Variants in ZNF124 observed in about 807,000 individuals in gnomAD.
ZNF124 encodes the protein zinc finger protein HZF-16.
Under a neutral mutation model 26.6 loss-of-function variants are expected in ZNF124, and 25 were observed. That is an observed-to-expected ratio of 0.94 (90% CI 0.68 to 1.31). The LOEUF (loss-of-function observed/expected upper bound fraction) is 1.31, where lower values mean the gene tolerates loss of function less well. Among genes scored for constraint, ZNF124 ranks in the 40% most tolerant of loss-of-function variants. ZNF124 has a pLI of 0.00. For missense variants in ZNF124, 444 were observed against 422.2 expected (o/e 1.05, Z -0.45); for synonymous variants, 129 against 133.3 (o/e 0.97, Z 0.22).
intron 1 of ZNF124, among the ~76,000 whole-genome samples, chr1:247,165,449 TAAAA>T (rs1195115032): frequency 6.6e-6 from 1 of 151,918 alleles, no homozygotes; most frequent in Non-Finnish European, 1.5e-5. Context: ...AATTTAAAGA[TAAAA>T]AAACCCTGGA....
intron 3 of ZNF124, among the ~76,000 whole-genome samples, chr1:247,136,610 C>T (rs1293599771): frequency 1.3e-5 from 2 of 152,148 alleles, no homozygotes; most frequent in Non-Finnish European, 2.9e-5. Flanking sequence ...CATCAAACTA[C>T]CATTGACATT....
At chr1:247,132,560 GGGA>G (rs1672394704) in intron 3 of ZNF124, among the ~76,000 whole-genome samples, 1 of 152,178 alleles carries the variant, frequency 6.6e-6, no homozygotes. Flanking sequence ...GTTAGAATAA[GGGA>G]GGAGACCACC....
chr1:247,163,482 A>G (rs929079255), intron 1 of ZNF124, among the ~76,000 whole-genome samples: 32 of 151,882 alleles, frequency 2.1e-4, no homozygotes, highest in Non-Finnish European at 1.9e-4. Flanking sequence ...AAAAAAAAAA[A>G]AAATCCCTCA....
In ZNF124 at chr1:247,156,894, A is replaced by G. The variant is rs1673170289; in HGVS notation, c.728T>C (p.Phe243Ser). The change falls in exon 4 of 4, where the codon TTC (phenylalanine) becomes TCC (serine). Residue 243 changes from phenylalanine to serine, a missense_variant. Coordinates refer to ENST00000543802, the MANE Select transcript of ZNF124 (RefSeq NM_001297568.2). ...PYVCMECGKA[F>S]SCLSSLQGHI... ...TCCTTGCAAGGAACTGAGACAACTG[A>G]AAGCTTTGCCACATTCCATGCACAC... is the stretch of plus-strand genomic sequence containing the variant. 3 of 1,614,048 alleles carry G rather than the reference A, an allele frequency of 1.9e-6. No individual in the cohort carries two copies. The highest frequency in any genetic ancestry group is 2.5e-6 in the Non-Finnish European group (3 of 1,180,042).
chr1:247,124,328 T>C (rs1572052096), intron 3 of ZNF124, among the ~76,000 whole-genome samples: 1 of 152,110 alleles, frequency 6.6e-6, no homozygotes, highest in East Asian at 1.9e-4. Flanking sequence ...CTAAGTCTCC[T>C]GCGTAGCTGG....
At chr1:247,125,027 T>A (rs1305080396) in intron 3 of ZNF124, among the ~76,000 whole-genome samples, 6 of 151,798 alleles carry the variant, frequency 4.0e-5, no homozygotes, top group Admixed American at 6.6e-5. Context: ...GGCTGGCAAC[T>A]CCTGGGCTCA....
At chr1:247,163,216 G>GCA (rs1364079411) in intron 1 of ZNF124, among the ~76,000 whole-genome samples, 3 of 151,718 alleles carry the variant, frequency 2.0e-5, no homozygotes, top group African/African-American at 7.3e-5. Context: ...TCTCAAATTA[G>GCA]CAACCTAACA....
At chr1:247,124,434 C>T (rs1424133929) in intron 3 of ZNF124, among the ~76,000 whole-genome samples, 1 of 151,884 alleles carries the variant, frequency 6.6e-6, no homozygotes, top group African/African-American at 2.4e-5. Flanking sequence ...AACTCCTGAC[C>T]TTGTGATCTA....
chr1:247,130,900 A>T (rs908587972), intron 3 of ZNF124, among the ~76,000 whole-genome samples: 44 of 152,044 alleles, frequency 2.9e-4, no homozygotes, highest in Admixed American at 9.2e-4. Context: ...ACATGGTGAA[A>T]CCTATCTCTA....
intron 3 of ZNF124, among the ~76,000 whole-genome samples, chr1:247,125,430 CTTTTTT>C (rs71566695): frequency 8.4e-3 from 363 of 43,260 alleles, no homozygotes; most frequent in Middle Eastern, 0.11. Context: ...CTGTTTTTGT[CTTTTTT>C]TTTTTTTTTT....
downstream of ZNF124, among the ~76,000 whole-genome samples, chr1:247,152,444 C>G (rs1336542124): frequency 6.6e-6 from 1 of 151,746 alleles, no homozygotes; most frequent in Non-Finnish European, 1.5e-5. Flanking sequence ...GCAATAAACC[C>G]AGTCCCAAAT....
chr1:247,140,186 T>C (rs1672589626), intron 3 of ZNF124, among the ~76,000 whole-genome samples: 1 of 152,204 alleles, frequency 6.6e-6, no homozygotes, highest in Non-Finnish European at 1.5e-5. Context: ...TTTGTTATTT[T>C]TTATTCTTTT....
At chr1:247,157,906 A>G (rs912373796) in intron 3 of ZNF124, among the ~76,000 whole-genome samples, 2 of 151,692 alleles carry the variant, frequency 1.3e-5, no homozygotes, top group Non-Finnish European at 2.9e-5. Context: ...TGTTGTGGTA[A>G]TGAGTGACTT....
chr1:247,157,251 C>T lies in ZNF124; in HGVS notation c.371G>A (p.Cys124Tyr), dbSNP rs1184396131. Residue 124 changes from cysteine (C) to tyrosine (Y), a missense_variant, in exon 4 of 4, where the codon TGT (cysteine) becomes TAT (tyrosine). By Grantham distance (194) the Cys-to-Tyr change is radical. Coordinates refer to ENST00000543802, the MANE Select transcript of ZNF124 (RefSeq NM_001297568.2). Reference protein sequence around the residue: ...VMHTGNGHYGCTICEKVFNIP... With the variant: ...VMHTGNGHYGYTICEKVFNIP... ...ATTAAAAACTTTCTCACATATTGTA[C>T]AACCATAATGTCCATTTCCAGTGTG... 7 of 1,613,830 alleles carry T rather than the reference C, an allele frequency of 4.3e-6. No homozygotes were observed. Among genetic ancestry groups the T allele is most frequent in the Non-Finnish European group, 5.1e-6 (6 of 1,179,800 alleles).
intron 3 of ZNF124, among the ~76,000 whole-genome samples, chr1:247,140,062 G>A (rs543959340): frequency 1.1e-4 from 16 of 152,274 alleles, no homozygotes; most frequent in Non-Finnish European, 1.9e-4. Flanking sequence ...GGAAGTTTTC[G>A]TGGATGATAT....
At chr1:247,130,003 G>A (rs1672295681) in intron 3 of ZNF124, among the ~76,000 whole-genome samples, 1 of 151,916 alleles carries the variant, frequency 6.6e-6, no homozygotes, top group African/African-American at 2.4e-5. Flanking sequence ...GAGCAGGATG[G>A]GGTGGGAGGA....
chr1:247,167,576 C>T (rs532444222), intron 1 of ZNF124, among the ~76,000 whole-genome samples: 42 of 152,058 alleles, frequency 2.8e-4, no homozygotes, highest in African/African-American at 6.3e-4. Flanking sequence ...AAAGAAGAGA[C>T]GAGACCTCAA....
At chr1:247,140,695 T>C (rs1009809898) in intron 3 of ZNF124, among the ~76,000 whole-genome samples, 4 of 152,212 alleles carry the variant, frequency 2.6e-5, no homozygotes, top group Admixed American at 2.0e-4. Context: ...TCTTCATTTG[T>C]AGCTGACTTG....
chr1:247,156,833 TG>T lies in ZNF124; in HGVS notation c.788del (p.Pro263HisfsTer107), dbSNP rs1195841687. On this transcript the variant is annotated frameshift_variant, in exon 4 of 4. Coordinates refer to ENST00000543802, the MANE Select transcript of ZNF124 (RefSeq NM_001297568.2). LOFTEE classifies it high-confidence loss of function. ...IKAHAGEEPY[P>X]CKQCGKAFRY... The stretch of plus-strand genomic sequence containing the variant: ...TGAAGGCTTTCCCACATTGCTTACA[TG>T]GATAGGGTTCTTCACCAGCATGAGC... The T allele has an allele frequency of 6.2e-7, 1 of 1,614,190 alleles. No homozygotes were observed. Among genetic ancestry groups the T allele is most frequent in the Non-Finnish European group, 8.5e-7 (1 of 1,180,022 alleles).
Sources: allele counts gnomAD v4.1 joint callset (sites outside exome capture counted in the v4.1 genomes callset), GRCh38; gene constraint gnomAD v4.1.1; transcripts MANE v1.5; gene names NCBI Gene and HGNC (gene_info 2026-07-23, HGNC 2026-07-21).